Variants in THSD7B observed in about 807,000 individuals in gnomAD.
The protein encoded by THSD7B is thrombospondin type 1 domain containing 7B.
In THSD7B, 138 loss-of-function variants were observed where a neutral mutation model predicts 213.6. That is an observed-to-expected ratio of 0.65 (90% confidence interval 0.56 to 0.74). THSD7B has a LOEUF of 0.74. Ranked by LOEUF, THSD7B falls within the 30% of genes least tolerant of loss-of-function variation. The pLI is 0.00. For synonymous variants in THSD7B, 742 were observed against 687.0 expected (o/e 1.08, Z -1.25); for missense variants, 1,931 against 1,991.5 (o/e 0.97, Z 0.58).
In THSD7B at chr2:137,572,498, T is replaced by G. The variant is rs565419249; in HGVS notation, c.3365T>G (p.Leu1122Arg). The G allele has an allele frequency of 6.2e-7, 1 of 1,613,864 alleles. No individual in the cohort carries two copies. The highest frequency in any genetic ancestry group is 1.3e-5 in the African/African-American group (1 of 75,042). ...CCCCCAGAAACCCAGTCCTGTTCTC[T>G]TATGTGTCCCAATGAGTGTGTCATG... is the stretch of plus-strand genomic sequence containing the variant. ...EIPPETQSCS[L>R]MCPNECVMSE... Residue 1122 changes from leucine (L) to arginine (R), a missense_variant, in exon 17 of 28, where the codon CTT becomes CGT. By Grantham distance (102) the Leu-to-Arg change is moderately radical. Coordinates refer to ENST00000409968, the MANE Select transcript of THSD7B (RefSeq NM_001316349.2).
At chr2:136,882,406 T>G (rs1275926117) in intron 2 of THSD7B, 89 bp downstream of exon 2, 2 of 1,295,196 alleles carry the variant, frequency 1.5e-6, no homozygotes, top group Non-Finnish European at 2.0e-6. Context: ...TCTAAAGTAG[T>G]GGGAAATATC....
intron 3 of THSD7B, among the ~76,000 whole-genome samples, chr2:137,086,186 A>T (rs542478576): frequency 6.6e-6 from 1 of 152,126 alleles, no homozygotes; most frequent in East Asian, 1.9e-4. Flanking sequence ...AGAATACAAA[A>T]ATTAGCTGGG....
At chr2:137,074,723 C>T (rs1161234472) in intron 3 of THSD7B, among the ~76,000 whole-genome samples, 1 of 152,144 alleles carries the variant, frequency 6.6e-6, no homozygotes, top group Non-Finnish European at 1.5e-5. Context: ...GTGGCTGGTT[C>T]CGGTTGTTCC....
chr2:137,439,743 C>T (rs921761749), intron 14 of THSD7B, among the ~76,000 whole-genome samples: 4 of 152,108 alleles, frequency 2.6e-5, no homozygotes, highest in African/African-American at 9.6e-5. Context: ...GCATTAGCTC[C>T]GTGAAAGGTA....
chr2:136,849,526 ATCT>A (rs1683062973), intron 1 of THSD7B, among the ~76,000 whole-genome samples: 1 of 152,142 alleles, frequency 6.6e-6, no homozygotes, highest in Non-Finnish European at 1.5e-5. Context: ...AGAACAGAAA[ATCT>A]TCTTGCTAGA....
intron 7 of THSD7B, among the ~76,000 whole-genome samples, chr2:137,198,546 C>CT (rs1419845677): frequency 6.6e-6 from 1 of 152,158 alleles, no homozygotes; most frequent in African/African-American, 2.4e-5. Context: ...GGAAAAGAGA[C>CT]TAACGGTTTC....
intron 27 of THSD7B, among the ~76,000 whole-genome samples, chr2:137,668,747 A>G (rs188786883): frequency 1.9e-4 from 29 of 152,350 alleles, no homozygotes; most frequent in Admixed American, 1.0e-3. Context: ...TATGAATTAT[A>G]TAGTATATTC....
At chr2:136,783,262 A>G (rs1558803719) in intron 1 of THSD7B, among the ~76,000 whole-genome samples, 1 of 152,170 alleles carries the variant, frequency 6.6e-6, no homozygotes, top group Non-Finnish European at 1.5e-5. Flanking sequence ...TTAAAGGCTG[A>G]CTATGGCTTA....
chr2:137,289,285 TAA>T (rs879697629), intron 12 of THSD7B, among the ~76,000 whole-genome samples: 2 of 141,458 alleles, frequency 1.4e-5, no homozygotes, highest in Admixed American at 7.1e-5. Flanking sequence ...AATCCTCAAT[TAA>T]AAAAAAAAAG....
intron 27 of THSD7B, among the ~76,000 whole-genome samples, chr2:137,672,953 G>A (rs75961848): frequency 0.014 from 2,160 of 152,248 alleles, 53 homozygotes; most frequent in African/African-American, 0.047. Context: ...TAACCTAGAT[G>A]TAGCACCTGG....
chr2:137,455,907 A>G (rs949682374), intron 15 of THSD7B, among the ~76,000 whole-genome samples: 1 of 152,186 alleles, frequency 6.6e-6, no homozygotes, highest in African/African-American at 2.4e-5. Context: ...TTGGACTTAC[A>G]TTTCCCTTTA....
At chr2:137,384,977 T>A (rs1050853469) in intron 12 of THSD7B, among the ~76,000 whole-genome samples, 15 of 152,096 alleles carry the variant, frequency 9.9e-5, no homozygotes. Flanking sequence ...TTCTTCAGCC[T>A]GAGACTTCAG....
At chr2:136,946,360 C>A (rs1684937397) in intron 2 of THSD7B, among the ~76,000 whole-genome samples, 1 of 152,052 alleles carries the variant, frequency 6.6e-6, no homozygotes, top group Admixed American at 6.5e-5. Context: ...GAAGGTTCAT[C>A]CCAGAGGAGC....
At chr2:137,513,966 G>A (rs1680019331) in intron 15 of THSD7B, among the ~76,000 whole-genome samples, 1 of 152,154 alleles carries the variant, frequency 6.6e-6, no homozygotes, top group Non-Finnish European at 1.5e-5. Context: ...CAACACAGTT[G>A]CTTTCTATCT....
intron 18 of THSD7B, among the ~76,000 whole-genome samples, chr2:137,616,644 G>T (rs1682393013): frequency 6.6e-6 from 1 of 152,156 alleles, no homozygotes; most frequent in African/African-American, 2.4e-5. Context: ...ATTGAGAGAA[G>T]AATGTAATCA....
chr2:136,971,136 C>G lies in THSD7B; in HGVS notation c.140-85284C>G, dbSNP rs942886214. 2.6e-5 allele frequency among the ~76,000 whole-genome samples: 4 copies of G among 152,062 alleles called. No homozygotes were observed. In the South Asian group the frequency reaches 8.3e-4, roughly 32 times the overall value. On this transcript the variant is annotated intron_variant, in intron 2 of 27. Transcript: ENST00000409968. ...AATAGGAATAAGACAAATAAAGTTT[C>G]CAGGAAGTCTGTGATGGGCGGTTAT... is the stretch of plus-strand genomic sequence containing the variant.
intron 1 of THSD7B, among the ~76,000 whole-genome samples, chr2:136,828,409 G>C (rs1682695212): frequency 6.6e-6 from 1 of 152,078 alleles, no homozygotes; most frequent in Admixed American, 6.6e-5. Flanking sequence ...CACCATCCTA[G>C]TCAAACATGT....
intron 2 of THSD7B, among the ~76,000 whole-genome samples, chr2:137,051,953 T>C (rs1245305919): frequency 6.6e-6 from 1 of 152,180 alleles, no homozygotes; most frequent in African/African-American, 2.4e-5. Context: ...CCCCAACTAA[T>C]CCAGTTAAGG....
chr2:137,330,581 C>A (rs909226446), intron 12 of THSD7B, among the ~76,000 whole-genome samples: 1 of 151,860 alleles, frequency 6.6e-6, no homozygotes, highest in Non-Finnish European at 1.5e-5. Flanking sequence ...AGCTGCAGAC[C>A]TTCGCAGTGA....
Sources: gnomAD v4.1 joint callset for allele counts (sites outside exome capture counted in the v4.1 genomes callset) on GRCh38, gnomAD v4.1.1 for gene constraint, MANE v1.5 for transcripts, NCBI Gene and HGNC (gene_info 2026-07-23, HGNC 2026-07-21) for gene names.